Variants in TRIM4 observed in about 807,000 individuals in gnomAD.
TRIM4 encodes the protein tripartite motif containing 4.
In TRIM4, 29 loss-of-function variants were observed where a neutral mutation model predicts 33.7. That is an observed-to-expected ratio of 0.86 (90% CI 0.64 to 1.17). TRIM4 has a LOEUF of 1.17. Among genes scored for constraint, TRIM4 ranks in the 50% most tolerant of loss-of-function variants. The pLI, the probability that TRIM4 is intolerant of heterozygous loss-of-function variation, is 0.00. For missense variants in TRIM4, 554 were observed against 593.7 expected (o/e 0.93, Z 0.69); for synonymous variants, 224 against 233.0 (o/e 0.96, Z 0.35).
Position 99,916,599 on chromosome 7 carries a change from C to T in TRIM4, c.393+2410G>A, listed in dbSNP as rs1819560160. 16 of 720,758 alleles carry T rather than the reference C, an allele frequency of 2.2e-5. No homozygotes were observed. The South Asian group carries it at 2.5e-4, about 11-fold the overall frequency. 44.6% of individuals were successfully genotyped at this position (720,758 alleles called of 1,614,324 possible). Reference sequence around the variant, plus strand: ...ATCCAAGACTCCTCTCTCTCTCACCCACCAAGTCTAATTGATCACCAAGTC... The same window carrying T: ...ATCCAAGACTCCTCTCTCTCTCACCTACCAAGTCTAATTGATCACCAAGTC... On this transcript the variant is annotated intron_variant, in intron 1 of 5. Transcript: ENST00000349062.
intron 5 of TRIM4, chr7:99,902,231 C>G: frequency 1.3e-6 from 1 of 743,398 alleles, no homozygotes; most frequent in African/African-American, 1.7e-5. Context: ...AGTGAACACC[C>G]ACAACATGGT....
At chr7:99,899,465 T>A (rs1167741771) in intron 5 of TRIM4, among the ~76,000 whole-genome samples, 1 of 152,206 alleles carries the variant, frequency 6.6e-6, no homozygotes, top group African/African-American at 2.4e-5. Context: ...CTCTTCGGCC[T>A]TTCAGACACG....
chr7:99,894,867 C>T (rs1818982325), intron 5 of TRIM4, among the ~76,000 whole-genome samples: 1 of 152,112 alleles, frequency 6.6e-6, no homozygotes, highest in Non-Finnish European at 1.5e-5. Context: ...CAAAAAGTTG[C>T]TCTTAATATT....
intron 5 of TRIM4, among the ~76,000 whole-genome samples, chr7:99,894,392 G>A (rs1043115761): frequency 3.3e-5 from 5 of 152,252 alleles, no homozygotes; most frequent in Admixed American, 6.5e-5. Context: ...GGGACCAGGC[G>A]CGGTGGCTCA....
At chr7:99,913,057 G>A (rs1199125763) in intron 1 of TRIM4, among the ~76,000 whole-genome samples, 1 of 152,046 alleles carries the variant, frequency 6.6e-6, no homozygotes, top group Non-Finnish European at 1.5e-5. Context: ...CCTTCAAATA[G>A]GACCAAGTTT....
At chr7:99,901,678 G>A (rs571417261) in intron 5 of TRIM4, 108 of 156,596 alleles carry the variant, frequency 6.9e-4, no homozygotes, top group African/African-American at 2.3e-3. Context: ...CTCAGTGCCC[G>A]TGAACTACGA....
At chr7:99,917,800 G>A (rs890652188) in intron 1 of TRIM4, 1 of 983,392 alleles carries the variant, frequency 1.0e-6, no homozygotes, top group Admixed American at 6.2e-5. Context: ...GAGACCACTG[G>A]AGTTACACCA....
intron 5 of TRIM4, among the ~76,000 whole-genome samples, chr7:99,896,395 GC>G (rs1208552459): frequency 2.6e-5 from 4 of 152,162 alleles, no homozygotes; most frequent in Non-Finnish European, 5.9e-5. Context: ...GAGGATCAAG[GC>G]CCTTTGATTC....
At chr7:99,897,829 C>T (rs1215069956) in intron 5 of TRIM4, among the ~76,000 whole-genome samples, 4 of 152,216 alleles carry the variant, frequency 2.6e-5, no homozygotes, top group Non-Finnish European at 5.9e-5. Context: ...ATAAACCAGG[C>T]GCCAGGCCAC....
intron 4 of TRIM4, 76 bp downstream of exon 4, chr7:99,903,500 G>A (rs970801672): frequency 1.9e-6 from 3 of 1,583,028 alleles, no homozygotes; most frequent in Non-Finnish European, 2.6e-6. Context: ...ATGGATCCTA[G>A]GCCTTGTTTC....
intron 5 of TRIM4, among the ~76,000 whole-genome samples, chr7:99,897,045 T>C (rs186174817): frequency 6.2e-4 from 94 of 152,330 alleles, no homozygotes; most frequent in Non-Finnish European, 2.9e-4. Flanking sequence ...ATGGAGACAC[T>C]GGTTTGTTGC....
intron 5 of TRIM4, among the ~76,000 whole-genome samples, chr7:99,898,939 T>C (rs1819087666): frequency 6.6e-6 from 1 of 152,242 alleles, no homozygotes; most frequent in Non-Finnish European, 1.5e-5. Context: ...ATGCTTGTCA[T>C]TGTCTTTTGT....
chr7:99,904,547 A>T (rs1819252313), intron 3 of TRIM4, among the ~76,000 whole-genome samples: 1 of 152,228 alleles, frequency 6.6e-6, no homozygotes, highest in Non-Finnish European at 1.5e-5. Flanking sequence ...AAACTGTATC[A>T]CTGGTTCATT....
intron 5 of TRIM4, chr7:99,901,954 C>T: frequency 1.6e-6 from 1 of 611,688 alleles, no homozygotes; most frequent in South Asian, 2.0e-5. Context: ...ACTCCCAGGT[C>T]TATTCCTCAA....
At chr7:99,916,037 T>C (rs971083347) in intron 1 of TRIM4, among the ~76,000 whole-genome samples, 2 of 152,228 alleles carry the variant, frequency 1.3e-5, no homozygotes, top group South Asian at 4.1e-4. Context: ...TAATAGGATG[T>C]CTATGAAGAT....
chr7:99,901,794 T>G, intron 5 of TRIM4: 1 of 287,774 alleles, frequency 3.5e-6, no homozygotes. Context: ...CAGCCTTGAG[T>G]AGATTTTCAC....
intron 5 of TRIM4, among the ~76,000 whole-genome samples, chr7:99,895,063 G>T (rs148013546): frequency 6.6e-6 from 1 of 152,150 alleles, no homozygotes; most frequent in South Asian, 2.1e-4. Flanking sequence ...TCACTGCAAT[G>T]ATTTCTGCTC....
At position 99,919,485 on chromosome 7, in the gene TRIM4, C is replaced by T; in HGVS notation, c.-84G>A. The T allele has an allele frequency of 2.2e-6, 3 of 1,390,816 alleles. No individual in the cohort carries two copies. Among genetic ancestry groups the T allele is most frequent in the South Asian group, 3.1e-5 (2 of 64,010 alleles). The allele number at this position is 1,390,816 out of a possible 1,614,324, so 86.2% of individuals were successfully genotyped here. On this transcript the variant is annotated 5_prime_UTR_variant, in exon 1 of 6. Coordinates refer to ENST00000349062, the MANE Select transcript of TRIM4 (RefSeq NM_033091.3). ...TGCGAGCGGCCGCGGGGAGGCCAGA[C>T]GACTTCCGAACCGCCGTCACCGCCT...
chr7:99,913,174 A>G (rs1482367007), intron 1 of TRIM4, among the ~76,000 whole-genome samples: 3 of 152,208 alleles, frequency 2.0e-5, no homozygotes, highest in African/African-American at 4.8e-5. Flanking sequence ...GAATTCTCTC[A>G]TATGGTTCTA....
Sources: allele counts gnomAD v4.1 joint callset (sites outside exome capture counted in the v4.1 genomes callset), GRCh38; gene constraint gnomAD v4.1.1; transcripts MANE v1.5; gene names NCBI Gene and HGNC (gene_info 2026-07-23, HGNC 2026-07-21).